The following ATRNL1 variants were observed in gnomAD, a reference collection of about 807,000 sequenced individuals.
ATRNL1 encodes the protein attractin like 1, also known as attractin-like protein 1.
A neutral mutation model predicts 182.7 loss-of-function variants in ATRNL1; 95 were observed. The observed-to-expected ratio is 0.52, with a 90% CI of 0.44 to 0.62. ATRNL1 has a LOEUF of 0.62. Among genes scored for constraint, ATRNL1 ranks in the 20% least tolerant of loss-of-function variants. The pLI, the probability that ATRNL1 is intolerant of heterozygous loss-of-function variation, is 0.00. For missense variants in ATRNL1, 1,471 were observed against 1,679.5 expected (o/e 0.88, Z 2.17); for synonymous variants, 576 against 568.3 (o/e 1.01, Z -0.19).
chr10:115,674,178 C>T (rs1555042257), intron 26 of ATRNL1, among the ~76,000 whole-genome samples: 1 of 151,774 alleles, frequency 6.6e-6, no homozygotes, highest in African/African-American at 2.4e-5. Flanking sequence ...TTTTTTAGGC[C>T]CCTTGCAGTT....
intron 27 of ATRNL1, among the ~76,000 whole-genome samples, chr10:115,775,414 T>C (rs1275359453): frequency 1.4e-4 from 22 of 152,284 alleles, no homozygotes; most frequent in African/African-American, 5.1e-4. Context: ...TCAAGAAACA[T>C]TTTTTCTTCA....
intron 27 of ATRNL1, among the ~76,000 whole-genome samples, chr10:115,837,654 C>T (rs886568548): frequency 6.6e-6 from 1 of 152,146 alleles, no homozygotes; most frequent in Non-Finnish European, 1.5e-5. Flanking sequence ...AGCTTTCTAA[C>T]ACTAGCATTG....
chr10:115,892,780 C>T (rs529337838), intron 28 of ATRNL1, among the ~76,000 whole-genome samples: 22 of 152,094 alleles, frequency 1.4e-4, no homozygotes, highest in Non-Finnish European at 2.6e-4. Context: ...AAGAAGGGAT[C>T]GAGTTGTTTC....
intron 25 of ATRNL1, among the ~76,000 whole-genome samples, chr10:115,524,607 G>T (rs1851115951): frequency 6.6e-6 from 1 of 152,158 alleles, no homozygotes; most frequent in Admixed American, 6.5e-5. Flanking sequence ...CCAGTTGGGA[G>T]TAGTTTCAGA....
At chr10:115,449,113 G>A (rs1288980218) in intron 21 of ATRNL1, among the ~76,000 whole-genome samples, 2 of 152,188 alleles carry the variant, frequency 1.3e-5, no homozygotes, top group African/African-American at 4.8e-5. Flanking sequence ...CCCAAAGGGA[G>A]AAATTTCTAT....
chr10:115,625,910 G>A (rs1555024521), intron 26 of ATRNL1, among the ~76,000 whole-genome samples: 1 of 152,048 alleles, frequency 6.6e-6, no homozygotes, highest in Non-Finnish European at 1.5e-5. Flanking sequence ...TCCTCTGTCA[G>A]TATAAAGATT....
At chr10:115,131,924 A>T (rs1208811580) in intron 5 of ATRNL1, among the ~76,000 whole-genome samples, 1 of 151,868 alleles carries the variant, frequency 6.6e-6, no homozygotes, top group East Asian at 1.9e-4. Flanking sequence ...TCCTTTTTTT[A>T]TTTTTATTTT....
intron 5 of ATRNL1, among the ~76,000 whole-genome samples, chr10:115,135,438 G>C (rs10885658): frequency 0.22 from 33,249 of 152,028 alleles, 4,642 homozygotes; most frequent in Non-Finnish European, 0.31. Context: ...ATTCACAACT[G>C]CTTCAAAGAG....
At chr10:115,108,589 T>G (rs1423532425) in intron 1 of ATRNL1, among the ~76,000 whole-genome samples, 1 of 152,152 alleles carries the variant, frequency 6.6e-6, no homozygotes, top group Non-Finnish European at 1.5e-5. Context: ...ATAATCTTCT[T>G]ATGAAAATGG....
intron 28 of ATRNL1, among the ~76,000 whole-genome samples, chr10:115,900,204 T>C (rs1318277632): frequency 1.3e-5 from 2 of 152,200 alleles, no homozygotes; most frequent in Admixed American, 6.5e-5. Context: ...CATATTTTTT[T>C]ATAAAAAGAT....
intron 22 of ATRNL1, among the ~76,000 whole-genome samples, chr10:115,466,846 A>G (rs1287489892): frequency 6.6e-6 from 1 of 151,220 alleles, no homozygotes; most frequent in East Asian, 1.9e-4. Flanking sequence ...AAGAATCAAA[A>G]TACAAATATC....
chr10:115,528,520 CT>C (rs1213337204), intron 25 of ATRNL1, among the ~76,000 whole-genome samples: 1 of 148,970 alleles, frequency 6.7e-6, no homozygotes, highest in African/African-American at 2.4e-5. Flanking sequence ...TTTCTCTTTT[CT>C]TTTTTTTTGG....
Position 115,891,168 on chromosome 10 carries a change from G to A in ATRNL1, c.4018+43177G>A, listed in dbSNP as rs146763016. 1.2e-3 allele frequency among the ~76,000 whole-genome samples: 189 copies of A among 152,266 alleles called. 1 individual carries two copies. Among genetic ancestry groups the A allele is most frequent in the African/African-American group, 4.3e-3 (180 of 41,552 alleles). ...TTCTTTTAGTGGTAAATGAAAGCTT[G>A]TAACCTGTAAGGTAGCATTTATCTT... is the stretch of plus-strand genomic sequence containing the variant. On this transcript the variant is annotated intron_variant, in intron 28 of 28. Transcript: ENST00000355044.
At chr10:115,615,642 C>T (rs1463524572) in intron 26 of ATRNL1, among the ~76,000 whole-genome samples, 2 of 152,106 alleles carry the variant, frequency 1.3e-5, no homozygotes, top group Non-Finnish European at 2.9e-5. Flanking sequence ...ATTCCCCTAT[C>T]AGTGCCATAC....
In ATRNL1 at chr10:115,255,974, C is replaced by T. The variant is rs557218750; in HGVS notation, c.1688-9219C>T. On this transcript the variant is annotated intron_variant, in intron 10 of 28. Coordinates refer to ENST00000355044, the MANE Select transcript of ATRNL1 (RefSeq NM_207303.4). ...GCATACGTTGAACCAGCCTTGCATC[C>T]CAGGGATAAAGCTGACTTGATCGTG... Among the ~76,000 whole-genome samples the T allele has an allele frequency of 2.3e-3, 343 of 152,220 alleles. 5 individuals carry two copies. The highest frequency in any genetic ancestry group is 0.017 in the Admixed American group (259 of 15,278).
chr10:115,539,178 C>A (rs1419229938), intron 25 of ATRNL1, among the ~76,000 whole-genome samples: 1 of 152,150 alleles, frequency 6.6e-6, no homozygotes, highest in East Asian at 1.9e-4. Context: ...TGATCCATTT[C>A]AGTTATTTTT....
intron 27 of ATRNL1, among the ~76,000 whole-genome samples, chr10:115,837,803 G>T (rs957620606): frequency 6.6e-6 from 1 of 152,106 alleles, no homozygotes; most frequent in Non-Finnish European, 1.5e-5. Flanking sequence ...GATAAGAAAA[G>T]ATCTTGATGT....
At chr10:115,172,310 A>G (rs557466324) in intron 8 of ATRNL1, among the ~76,000 whole-genome samples, 8 of 151,964 alleles carry the variant, frequency 5.3e-5, no homozygotes, top group Admixed American at 3.9e-4. Flanking sequence ...TGACTCTTAC[A>G]TCATCAGAAT....
At chr10:115,913,916 G>T (rs1952763146) in intron 28 of ATRNL1, among the ~76,000 whole-genome samples, 1 of 152,092 alleles carries the variant, frequency 6.6e-6, no homozygotes, top group Non-Finnish European at 1.5e-5. Flanking sequence ...AAGATATTGG[G>T]AGGGGTGGGT....
Sources: gnomAD v4.1 joint callset for allele counts (sites outside exome capture counted in the v4.1 genomes callset) on GRCh38, gnomAD v4.1.1 for gene constraint, MANE v1.5 for transcripts, NCBI Gene and HGNC (gene_info 2026-07-23, HGNC 2026-07-21) for gene names.